Variants in TAFA5 observed in about 807,000 individuals in gnomAD.
TAFA5 encodes chemokine-like protein TAFA-5.
A neutral mutation model predicts 15.3 loss-of-function variants in TAFA5; 6 were observed. That is an observed-to-expected ratio of 0.39 (90% confidence interval 0.21 to 0.77). The LOEUF is 0.77. Among genes scored for constraint, TAFA5 ranks in the 30% least tolerant of loss-of-function variants. TAFA5 has a pLI of 0.41. For missense variants in TAFA5, 161 were observed against 193.1 expected, an observed-to-expected ratio of 0.83 and a Z score of 0.98; for synonymous variants, 103 against 80.7, an observed-to-expected ratio of 1.28 and a Z score of -1.48.
At chr22:48,579,781 G>T (rs1298798018) in intron 1 of TAFA5, among the ~76,000 whole-genome samples, 1 of 152,212 alleles carries the variant, frequency 6.6e-6, no homozygotes, top group African/African-American at 2.4e-5. Context: ...CAAAGAGGAA[G>T]GAATGCGGCA....
At chr22:48,662,702 G>A (rs1407659633) in intron 2 of TAFA5, among the ~76,000 whole-genome samples, 1 of 152,238 alleles carries the variant, frequency 6.6e-6, no homozygotes, top group Non-Finnish European at 1.5e-5. Flanking sequence ...CAGGCTGGGA[G>A]CAGGTCAGAC....
In TAFA5 at chr22:48,490,985, C is replaced by G. The variant is rs148287679; in HGVS notation, c.112+1281C>G. On this transcript the variant is annotated intron_variant, in intron 1 of 3. Transcript: ENST00000402357. This position sits in a 1 kb window ranked among gnomAD's most constrained non-coding sequence, Gnocchi z 5.8. ...GCTCGCCAGGATCGCAAGGGAAACC[C>G]GGGGACCAGAGCAGGAATTTTCCTA... 6.6e-6 allele frequency among the ~76,000 whole-genome samples: 1 copy of G among 152,150 alleles called. No individual in the cohort carries two copies. Among genetic ancestry groups the G allele is most frequent in the Admixed American group, 6.5e-5 (1 of 15,278 alleles).
At chr22:48,712,789 C>T (rs187324857) in intron 3 of TAFA5, among the ~76,000 whole-genome samples, 165 of 152,338 alleles carry the variant, frequency 1.1e-3, no homozygotes, top group African/African-American at 3.8e-3. Context: ...AGCTGCTGTC[C>T]GCCCTCCTTC....
At chr22:48,539,995 T>C (rs954163899) in intron 1 of TAFA5, among the ~76,000 whole-genome samples, 1 of 151,886 alleles carries the variant, frequency 6.6e-6, no homozygotes. Context: ...GCAGAGCCCA[T>C]GTCCCATGGA....
intron 2 of TAFA5, among the ~76,000 whole-genome samples, chr22:48,660,148 C>G (rs1173703636): frequency 6.6e-6 from 1 of 152,188 alleles, no homozygotes; most frequent in African/African-American, 2.4e-5. Context: ...AAAAAAACCC[C>G]AGGCTCCCAT....
At chr22:48,680,054 A>G (rs2147229526) in intron 2 of TAFA5, among the ~76,000 whole-genome samples, 1 of 152,274 alleles carries the variant, frequency 6.6e-6, no homozygotes, top group South Asian at 2.1e-4. Context: ...GCCCGGTTCA[A>G]CCGGCACCCA....
chr22:48,572,698 A>G (rs1376397987), intron 1 of TAFA5, among the ~76,000 whole-genome samples: 2 of 152,236 alleles, frequency 1.3e-5, no homozygotes, highest in African/African-American at 2.4e-5. Context: ...AAGAAGATCA[A>G]TTATATCCAC....
At chr22:48,581,550 G>C (rs1260223109) in intron 1 of TAFA5, among the ~76,000 whole-genome samples, 2 of 152,232 alleles carry the variant, frequency 1.3e-5, no homozygotes, top group Admixed American at 1.3e-4. Context: ...TAGGAGAGGG[G>C]CCACTGGCGA....
chr22:48,647,842 A>T (rs143554642), intron 2 of TAFA5, among the ~76,000 whole-genome samples: 1 of 152,094 alleles, frequency 6.6e-6, no homozygotes, highest in Non-Finnish European at 1.5e-5. Flanking sequence ...GCAGGGAGGG[A>T]GGGTCCCCCG....
chr22:48,638,893 C>A (rs947276333), intron 1 of TAFA5, among the ~76,000 whole-genome samples: 3 of 118,314 alleles, frequency 2.5e-5, no homozygotes, highest in African/African-American at 3.9e-5. Context: ...CAGGCGGGAC[C>A]CCCCCCCATC....
At chr22:48,627,116 A>G (rs886212048) in intron 1 of TAFA5, among the ~76,000 whole-genome samples, 2 of 152,218 alleles carry the variant, frequency 1.3e-5, no homozygotes, top group African/African-American at 4.8e-5. Flanking sequence ...GCCAGAAGAC[A>G]TGATTTCCAC....
chr22:48,609,384 C>T (rs1408202747), intron 1 of TAFA5, among the ~76,000 whole-genome samples: 2 of 152,074 alleles, frequency 1.3e-5, no homozygotes, highest in Non-Finnish European at 2.9e-5. Context: ...ACTGTCCGTG[C>T]ATTGTCTGTG....
chr22:48,690,411 G>A (rs572852818), intron 2 of TAFA5, among the ~76,000 whole-genome samples: 5 of 152,222 alleles, frequency 3.3e-5, no homozygotes, highest in South Asian at 4.1e-4. Context: ...CCACACAGCC[G>A]TACCAGGGCC....
chr22:48,502,711 G>T (rs6008742), intron 1 of TAFA5, among the ~76,000 whole-genome samples: 38,688 of 151,806 alleles, frequency 0.25, 7,749 homozygotes, highest in African/African-American at 0.56. Context: ...TAGAAGAGAC[G>T]TGGTTTTGCC....
rs545893959 is a variant in TAFA5, at chr22:48,632,751, C to CG, written c.113-13842dup. On this transcript the variant is annotated intron_variant, in intron 1 of 3. Coordinates refer to ENST00000402357, the MANE Select transcript of TAFA5 (RefSeq NM_001082967.3). Reference sequence around the variant, plus strand: ...CTGCGGAGGCCCTGACCCCTCCTGACGGGGAGCAGCAGAGGCTGGAGGCCT... The same window carrying CG: ...CTGCGGAGGCCCTGACCCCTCCTGACGGGGGAGCAGCAGAGGCTGGAGGCCT... Among the ~76,000 whole-genome samples the CG allele has an allele frequency of 2.8e-3, 425 of 152,246 alleles. 4 individuals carry two copies. The highest frequency in any genetic ancestry group is 9.9e-3 in the African/African-American group (413 of 41,550).
chr22:48,532,830 G>A (rs1173824297), intron 1 of TAFA5, among the ~76,000 whole-genome samples: 2 of 152,234 alleles, frequency 1.3e-5, no homozygotes, highest in Admixed American at 6.5e-5. Context: ...CGGGCTGGGA[G>A]CATCTGAGGA....
chr22:48,615,280 A>G (rs983191683), intron 1 of TAFA5, among the ~76,000 whole-genome samples: 2 of 152,182 alleles, frequency 1.3e-5, no homozygotes, highest in Non-Finnish European at 2.9e-5. Context: ...GAACTGATGA[A>G]AAGCACTCGT....
chr22:48,578,032 G>T (rs554237798), intron 1 of TAFA5, among the ~76,000 whole-genome samples: 1 of 152,346 alleles, frequency 6.6e-6, no homozygotes, highest in South Asian at 2.1e-4. Flanking sequence ...GACTGTGGGA[G>T]CCACCCCTGG....
intron 1 of TAFA5, among the ~76,000 whole-genome samples, chr22:48,565,799 G>A (rs865785074): frequency 3.3e-5 from 5 of 152,228 alleles, no homozygotes; most frequent in African/African-American, 1.2e-4. Flanking sequence ...GCAGGTCTGG[G>A]TTTTATTCTC....
Sources: allele counts gnomAD v4.1 joint callset (sites outside exome capture counted in the v4.1 genomes callset), GRCh38; gene constraint gnomAD v4.1.1; non-coding constraint Gnocchi (gnomAD v3.1); transcripts MANE v1.5; gene names NCBI Gene and HGNC (gene_info 2026-07-23, HGNC 2026-07-21).